Variants in EXOC4 observed in about 807,000 individuals in gnomAD.
EXOC4 encodes the protein SEC8-like 1.
In EXOC4, 71 loss-of-function variants were observed where a neutral mutation model predicts 107.2. The ratio of observed to expected loss-of-function variants is 0.66; its 90% CI spans 0.55 to 0.81. The LOEUF (loss-of-function observed/expected upper bound fraction) is 0.81. Among genes scored for constraint, EXOC4 ranks in the 30% least tolerant of loss-of-function variants. The pLI, the probability that EXOC4 is intolerant of heterozygous loss-of-function variation, is 0.00. For synonymous variants in EXOC4, 456 were observed against 441.2 expected, an observed-to-expected ratio of 1.03 and a Z score of -0.42; for missense variants, 1,108 against 1,189.6, an observed-to-expected ratio of 0.93 and a Z score of 1.01.
chr7:133,344,419 A>T (rs1269214995), intron 5 of EXOC4, among the ~76,000 whole-genome samples: 1 of 151,960 alleles, frequency 6.6e-6, no homozygotes, highest in East Asian at 1.9e-4. Flanking sequence ...TTTTTATGAT[A>T]TTGGGGTGTT....
intron 12 of EXOC4, among the ~76,000 whole-genome samples, chr7:133,903,706 T>A (rs533210478): frequency 1.3e-5 from 2 of 152,246 alleles, no homozygotes; most frequent in South Asian, 2.1e-4. Flanking sequence ...AGATAGATAT[T>A]TGGCAGCCAT....
chr7:133,612,433 G>T (rs1428364276), intron 9 of EXOC4, among the ~76,000 whole-genome samples: 2 of 152,192 alleles, frequency 1.3e-5, no homozygotes, highest in African/African-American at 4.8e-5. Flanking sequence ...AAAGACCTGA[G>T]AAGGTAGGGA....
intron 10 of EXOC4, among the ~76,000 whole-genome samples, chr7:133,808,676 G>T (rs1349774551): frequency 6.6e-6 from 1 of 152,066 alleles, no homozygotes; most frequent in African/African-American, 2.4e-5. Flanking sequence ...AAGCCCAATT[G>T]TCATCTGAGT....
At chr7:134,046,777 C>T (rs1795664313) in intron 17 of EXOC4, among the ~76,000 whole-genome samples, 1 of 152,150 alleles carries the variant, frequency 6.6e-6, no homozygotes, top group Non-Finnish European at 1.5e-5. Flanking sequence ...TTTCTCCTCG[C>T]TTTTGTCCCC....
At chr7:133,952,051 G>T (rs1304809327) in intron 14 of EXOC4, among the ~76,000 whole-genome samples, 1 of 152,084 alleles carries the variant, frequency 6.6e-6, no homozygotes, top group Non-Finnish European at 1.5e-5. Context: ...AACTACTCAG[G>T]AGGCTGAGGC....
chr7:133,511,813 C>T (rs1209839286), intron 9 of EXOC4, among the ~76,000 whole-genome samples: 1 of 151,436 alleles, frequency 6.6e-6, no homozygotes, highest in Non-Finnish European at 1.5e-5. Context: ...TTTGGGGTGA[C>T]ATATTCTGGT....
chr7:133,847,642 C>T (rs1462185216), intron 11 of EXOC4, among the ~76,000 whole-genome samples: 1 of 150,838 alleles, frequency 6.6e-6, no homozygotes, highest in Non-Finnish European at 1.5e-5. Context: ...ACCTCGGGCT[C>T]CCAAAGTGTT....
chr7:133,616,535 A>T (rs1802199165), intron 9 of EXOC4, among the ~76,000 whole-genome samples: 1 of 152,092 alleles, frequency 6.6e-6, no homozygotes, highest in South Asian at 2.1e-4. Context: ...TAATTGAGAA[A>T]ATTTTTAGAC....
intron 7 of EXOC4, among the ~76,000 whole-genome samples, chr7:133,456,229 A>G (rs1418852006): frequency 6.6e-6 from 1 of 152,170 alleles, no homozygotes; most frequent in Non-Finnish European, 1.5e-5. Context: ...GAATCCTAGA[A>G]TCACTGTATT....
intron 10 of EXOC4, among the ~76,000 whole-genome samples, chr7:133,791,855 A>C (rs112024975): frequency 6.6e-6 from 1 of 152,320 alleles, no homozygotes; most frequent in Non-Finnish European, 1.5e-5. Flanking sequence ...ATGCTGCCTA[A>C]TATTTGGAAA....
intron 17 of EXOC4, among the ~76,000 whole-genome samples, chr7:134,036,244 G>C (rs1204260380): frequency 1.3e-5 from 2 of 152,126 alleles, no homozygotes; most frequent in Non-Finnish European, 2.9e-5. Flanking sequence ...ATTTTCCCTT[G>C]AGATATAGAA....
At chr7:134,095,748 T>C in the EXOC4 span, among the ~76,000 whole-genome samples, 3 of 152,188 alleles carry the variant, frequency 2.0e-5, no homozygotes, top group Non-Finnish European at 4.4e-5. Context: ...TAAATCTTGC[T>C]GGGATAACTG....
intron 17 of EXOC4, among the ~76,000 whole-genome samples, chr7:134,024,020 A>G (rs1795081643): frequency 6.6e-6 from 1 of 152,196 alleles, no homozygotes; most frequent in African/African-American, 2.4e-5. Flanking sequence ...GGGTGCCCAA[A>G]TCCAGGAGGA....
At chr7:133,628,417 T>C (rs1802508367) in intron 9 of EXOC4, among the ~76,000 whole-genome samples, 1 of 152,192 alleles carries the variant, frequency 6.6e-6, no homozygotes, top group Non-Finnish European at 1.5e-5. Context: ...TCAGGCATTC[T>C]AGTTTCTAAA....
At position 133,597,553 on chromosome 7, in the gene EXOC4, T is replaced by C. The variant is rs369283694; in HGVS notation, c.1418-32492T>C. ...TGGGCAAGAAGAGCGAAACTCTGTTTCAAAAAAAAAAAAAAAAAAAAACCC... is the reference window on the plus strand; with the variant it reads ...TGGGCAAGAAGAGCGAAACTCTGTTCCAAAAAAAAAAAAAAAAAAAAACCC... On this transcript the variant is annotated intron_variant, in intron 9 of 17. Transcript: ENST00000253861. 8.5e-3 allele frequency among the ~76,000 whole-genome samples: 308 copies of C among 36,136 alleles called. 2 individuals carry two copies. The highest frequency in any genetic ancestry group is 0.025 in the African/African-American group (289 of 11,544). The allele number at this position is 36,136 out of a possible 152,430, so 23.7% of individuals were successfully genotyped here.
At chr7:133,506,374 G>A (rs1470136242) in intron 9 of EXOC4, among the ~76,000 whole-genome samples, 4 of 152,094 alleles carry the variant, frequency 2.6e-5, no homozygotes, top group African/African-American at 4.8e-5. Context: ...TTAAAACTGT[G>A]TATGTTCCCT....
intron 14 of EXOC4, among the ~76,000 whole-genome samples, chr7:133,979,903 G>A (rs554928772): frequency 6.6e-6 from 1 of 152,200 alleles, no homozygotes; most frequent in South Asian, 2.1e-4. Flanking sequence ...TAAAAACACT[G>A]ATTTATCTCC....
chr7:133,723,292 C>T (rs887291877), intron 10 of EXOC4, among the ~76,000 whole-genome samples: 1 of 152,190 alleles, frequency 6.6e-6, no homozygotes, highest in Non-Finnish European at 1.5e-5. Flanking sequence ...GCAGTTTCTG[C>T]TAAACCTTGA....
chr7:133,474,115 TG>T (rs1392024085), intron 7 of EXOC4, among the ~76,000 whole-genome samples: 3 of 152,280 alleles, frequency 2.0e-5, no homozygotes, highest in African/African-American at 4.8e-5. Flanking sequence ...GCTGGCATTT[TG>T]TTACTTGTTT....
Sources: allele counts gnomAD v4.1 joint callset (sites outside exome capture counted in the v4.1 genomes callset), GRCh38; gene constraint gnomAD v4.1.1; transcripts MANE v1.5; gene names NCBI Gene and HGNC (gene_info 2026-07-23, HGNC 2026-07-21).